The following SH3RF2 variants were observed in gnomAD, a reference collection of about 807,000 sequenced individuals.
SH3RF2 encodes SH3 domain containing ring finger 2.
In SH3RF2, 43 loss-of-function variants were observed where a neutral mutation model predicts 59.0. The ratio of observed to expected loss-of-function variants is 0.73; its 90% confidence interval spans 0.57 to 0.94. SH3RF2 has a LOEUF of 0.94. Ranked by LOEUF, SH3RF2 falls within the 40% of genes least tolerant of loss-of-function variation. SH3RF2 has a pLI of 0.00. For synonymous variants in SH3RF2, 391 were observed against 391.5 expected (o/e 1.00, Z 0.01); for missense variants, 930 against 940.1 (o/e 0.99, Z 0.14).
chr5:145,983,608 G>T (rs1759589667), intron 2 of SH3RF2, among the ~76,000 whole-genome samples: 1 of 152,116 alleles, frequency 6.6e-6, no homozygotes, highest in Non-Finnish European at 1.5e-5. Flanking sequence ...GCTTTCTTTG[G>T]CTCATGAGGC....
chr5:145,943,529 C>T (rs1008833393), intron 2 of SH3RF2, among the ~76,000 whole-genome samples: 2 of 152,132 alleles, frequency 1.3e-5, no homozygotes, highest in Admixed American at 1.3e-4. Context: ...TTCTTTTAGC[C>T]TCTGCCTGAT....
At chr5:146,080,100 G>A (rs1442747061) in exon 10 of SH3RF2, 2 of 152,164 alleles carry the variant, frequency 1.3e-5, no homozygotes, top group African/African-American at 4.8e-5. Flanking sequence ...GATTCCAAAT[G>A]ATCAAGGATC....
In SH3RF2 at chr5:146,030,278, G is replaced by A. The variant is rs886312369; in HGVS notation, c.1059+16217G>A. On this transcript the variant is annotated intron_variant, in intron 5 of 9. Transcript: ENST00000359120. ...TGGTGTGTCTACCATGTGCCCATGT[G>A]CCCATGTCGTTTCATTCAGTGAAGA... 2.0e-5 allele frequency among the ~76,000 whole-genome samples: 3 copies of A among 152,252 alleles called. No homozygotes were observed. The South Asian group carries it at 6.2e-4, about 32-fold the overall frequency.
chr5:145,998,099 T>G, intron 2 of SH3RF2: 1 of 550,940 alleles, frequency 1.8e-6, no homozygotes, highest in Non-Finnish European at 3.3e-6. Flanking sequence ...AATGGGTAAC[T>G]GATACATAGA....
At chr5:146,050,389 T>A (rs1762454743) in intron 7 of SH3RF2, among the ~76,000 whole-genome samples, 1 of 152,180 alleles carries the variant, frequency 6.6e-6, no homozygotes, top group Admixed American at 6.5e-5. Flanking sequence ...GCTGGTGAGG[T>A]GGTGGACTCT....
At chr5:146,029,394 A>G (rs559642350) in intron 5 of SH3RF2, among the ~76,000 whole-genome samples, 2 of 152,314 alleles carry the variant, frequency 1.3e-5, no homozygotes, top group African/African-American at 4.8e-5. Flanking sequence ...GACAGCAACC[A>G]GACTCAGTGG....
chr5:145,957,007 TG>T (rs1413023104), intron 2 of SH3RF2, among the ~76,000 whole-genome samples: 2 of 152,248 alleles, frequency 1.3e-5, no homozygotes, highest in African/African-American at 2.4e-5. Context: ...GAAGTTTTGT[TG>T]TATGAGTTAA....
At chr5:145,989,684 C>G (rs1400830477) in intron 2 of SH3RF2, among the ~76,000 whole-genome samples, 1 of 152,160 alleles carries the variant, frequency 6.6e-6, no homozygotes, top group East Asian at 1.9e-4. Flanking sequence ...ATGTTGGTCC[C>G]ACCTGATGCG....
At chr5:145,960,890 G>A (rs1177635298) in intron 2 of SH3RF2, among the ~76,000 whole-genome samples, 2 of 152,178 alleles carry the variant, frequency 1.3e-5, no homozygotes, top group Non-Finnish European at 2.9e-5. Context: ...AAGACAGCTA[G>A]CAAACAGAAA....
At chr5:146,042,868 C>G (rs1477115820) in intron 5 of SH3RF2, among the ~76,000 whole-genome samples, 2 of 152,196 alleles carry the variant, frequency 1.3e-5, no homozygotes, top group South Asian at 4.1e-4. Flanking sequence ...CCACCACACC[C>G]GCACACCCTT....
chr5:146,065,099 T>C (rs1242666909), downstream of SH3RF2, among the ~76,000 whole-genome samples: 2 of 152,198 alleles, frequency 1.3e-5, no homozygotes, highest in Non-Finnish European at 2.9e-5. Context: ...TTGGGGCTGG[T>C]AGAGCCAACA....
At chr5:145,997,674 G>A in intron 2 of SH3RF2, 2 of 1,563,988 alleles carry the variant, frequency 1.3e-6, no homozygotes, top group South Asian at 1.1e-5. Flanking sequence ...AGTTCAGTCA[G>A]TAATAATTGC....
chr5:145,963,632 A>C (rs564626416), intron 2 of SH3RF2, among the ~76,000 whole-genome samples: 4 of 152,224 alleles, frequency 2.6e-5, no homozygotes, highest in African/African-American at 9.6e-5. Context: ...AATATAAAAA[A>C]TTACTCTCCT....
chr5:146,020,555 G>A (rs11740294), intron 5 of SH3RF2, among the ~76,000 whole-genome samples: 47,169 of 151,962 alleles, frequency 0.31, 8,203 homozygotes, highest in Non-Finnish European at 0.39. Flanking sequence ...CTGCTCCTCC[G>A]CAGAATTATT....
At chr5:145,945,899 C>T (rs1757991812) in intron 2 of SH3RF2, among the ~76,000 whole-genome samples, 1 of 152,198 alleles carries the variant, frequency 6.6e-6, no homozygotes, top group African/African-American at 2.4e-5. Flanking sequence ...CTACTCCAAG[C>T]AGGTGACCGA....
At chr5:146,007,582 T>G (rs1760698766) in intron 4 of SH3RF2, among the ~76,000 whole-genome samples, 1 of 152,188 alleles carries the variant, frequency 6.6e-6, no homozygotes, top group South Asian at 2.1e-4. Context: ...ATCTTGAGAT[T>G]CTTCTTCATA....
At chr5:146,064,723 AAAGAAAGGAAGG>A (rs1763027982), downstream of SH3RF2, among the ~76,000 whole-genome samples, 2 of 16,332 alleles carry the variant, frequency 1.2e-4, no homozygotes, top group African/African-American at 2.5e-4. Flanking sequence ...AGAAAGAAAG[AAAGAAAGGAAGG>A]AAGGAAGGAA....
chr5:145,947,338 C>T (rs1036816919), intron 2 of SH3RF2, among the ~76,000 whole-genome samples: 3 of 152,162 alleles, frequency 2.0e-5, no homozygotes, highest in Admixed American at 2.0e-4. Context: ...ACAATGCTGT[C>T]CATTCATGAG....
chr5:146,017,743 GTCC>G, intron 5 of SH3RF2, among the ~76,000 whole-genome samples: 1 of 152,016 alleles, frequency 6.6e-6, no homozygotes, highest in African/African-American at 2.4e-5. Context: ...CTTAGTTTGG[GTCC>G]TCATCTCTTG....
Sources: allele counts gnomAD v4.1 joint callset (sites outside exome capture counted in the v4.1 genomes callset), GRCh38; gene constraint gnomAD v4.1.1; transcripts MANE v1.5; gene names NCBI Gene and HGNC (gene_info 2026-07-23, HGNC 2026-07-21).